The following GRIA4 variants were observed in gnomAD, a reference collection of about 807,000 sequenced individuals.
GRIA4 encodes the protein glutamate receptor 4.
GRIA4 carries 34 observed loss-of-function variants against 104.0 expected under a neutral mutation model. That is an observed-to-expected ratio of 0.33 (90% CI 0.25 to 0.44). The LOEUF (loss-of-function observed/expected upper bound fraction) is 0.44, where lower values mean the gene tolerates loss of function less well. Among genes scored for constraint, GRIA4 ranks in the 20% least tolerant of loss-of-function variants. The pLI is 1.00. For missense variants in GRIA4, 750 were observed against 1,096.5 expected (o/e 0.68, Z 4.46); for synonymous variants, 386 against 381.9 (o/e 1.01, Z -0.13).
At chr11:105,662,530 C>T (rs768255835) in intron 3 of GRIA4, among the ~76,000 whole-genome samples, 21 of 151,440 alleles carry the variant, frequency 1.4e-4, no homozygotes, top group Non-Finnish European at 2.5e-4. Context: ...AAGTTAGAGA[C>T]GAAAAAGGAA....
intron 3 of GRIA4, among the ~76,000 whole-genome samples, chr11:105,687,035 G>A (rs528841254): frequency 6.6e-6 from 1 of 152,122 alleles, no homozygotes; most frequent in Non-Finnish European, 1.5e-5. Flanking sequence ...TCTGTTGATA[G>A]TTTCTTTTGC....
intron 3 of GRIA4, among the ~76,000 whole-genome samples, chr11:105,710,105 T>C (rs759294108): frequency 6.6e-6 from 1 of 152,128 alleles, no homozygotes; most frequent in Non-Finnish European, 1.5e-5. Flanking sequence ...TATTATTTCT[T>C]ATTATATTAT....
At chr11:105,631,577 C>G (rs757467091) in intron 3 of GRIA4, among the ~76,000 whole-genome samples, 1 of 152,030 alleles carries the variant, frequency 6.6e-6, no homozygotes, top group African/African-American at 2.4e-5. Context: ...TGTTTGCTAC[C>G]AAGTTATTTG....
intron 14 of GRIA4, among the ~76,000 whole-genome samples, chr11:105,939,918 T>A (rs1017660029): frequency 1.3e-5 from 2 of 152,236 alleles, no homozygotes; most frequent in East Asian, 3.9e-4. Flanking sequence ...GGAGGAACCA[T>A]TACCTTCTTC....
At chr11:105,931,469 C>T (rs937349471) in intron 13 of GRIA4, among the ~76,000 whole-genome samples, 1 of 151,746 alleles carries the variant, frequency 6.6e-6, no homozygotes, top group Admixed American at 6.6e-5. Flanking sequence ...TTTGGGAGGC[C>T]GAGGCGGTGG....
At chr11:105,913,926 C>A (rs895930930) in intron 10 of GRIA4, among the ~76,000 whole-genome samples, 2 of 151,972 alleles carry the variant, frequency 1.3e-5, no homozygotes, top group Non-Finnish European at 2.9e-5. Context: ...CACACATGAT[C>A]TTTCCAGAGG....
intron 3 of GRIA4, among the ~76,000 whole-genome samples, chr11:105,732,462 C>T (rs928460528): frequency 6.6e-6 from 1 of 152,092 alleles, no homozygotes; most frequent in Non-Finnish European, 1.5e-5. Flanking sequence ...TGCCTACAAG[C>T]CGTCATGGTT....
Position 105,918,763 on chromosome 11 carries a change from G to T in GRIA4, c.1321G>T (p.Asp441Tyr), listed in dbSNP as rs140687547. 6.3e-7 allele frequency: 1 copy of T among 1,597,772 alleles called. No homozygotes were observed. Among genetic ancestry groups the T allele is most frequent in the South Asian group, 1.1e-5 (1 of 90,694 alleles). The change falls in exon 11 of 17, where the codon GAC becomes TAC. Residue 441 changes from aspartate (D) to tyrosine (Y), a missense_variant. This residue lies in a region of GRIA4 where 272 missense variants were observed against 524.5 expected (regional missense o/e 0.52). Coordinates refer to ENST00000282499, the MANE Select transcript of GRIA4 (RefSeq NM_000829.4). Reference sequence around the variant, plus strand: ...AAATCATGAAATGTTTGAAGGAAATGACAAGTATGAAGGATACTGTGTAGA... The same window carrying T: ...AAATCATGAAATGTTTGAAGGAAATTACAAGTATGAAGGATACTGTGTAGA... Reference protein sequence around the residue: ...KKNHEMFEGNDKYEGYCVDLA... With the variant: ...KKNHEMFEGNYKYEGYCVDLA...
chr11:105,621,206 C>T (rs897769588), intron 3 of GRIA4, among the ~76,000 whole-genome samples: 2 of 151,656 alleles, frequency 1.3e-5, no homozygotes, highest in African/African-American at 4.8e-5. Flanking sequence ...CCAAAATGAG[C>T]AGACTTTAAA....
chr11:105,786,184 T>C (rs1021924142), intron 4 of GRIA4, among the ~76,000 whole-genome samples: 2 of 149,156 alleles, frequency 1.3e-5, no homozygotes, highest in Non-Finnish European at 3.0e-5. Flanking sequence ...AAAGGAAGTA[T>C]CTGCTATTGA....
chr11:105,860,945 C>T (rs1457374596), intron 4 of GRIA4, among the ~76,000 whole-genome samples: 2 of 106,468 alleles, frequency 1.9e-5, no homozygotes, highest in African/African-American at 4.0e-5. Context: ...GGCAACAGAG[C>T]AAGACTGTCT....
chr11:105,734,577 G>A (rs1938814331), intron 3 of GRIA4, among the ~76,000 whole-genome samples: 1 of 152,066 alleles, frequency 6.6e-6, no homozygotes, highest in African/African-American at 2.4e-5. Context: ...TTAGGATAAA[G>A]TCCAAAATCC....
Position 105,972,530 on chromosome 11 carries a change from G to C in GRIA4, c.2409+502G>C, listed in dbSNP as rs568825641. Among the ~76,000 whole-genome samples, 13 of 152,202 alleles carry C rather than the reference G, an allele frequency of 8.5e-5. No homozygotes were observed. In the South Asian group the frequency reaches 1.7e-3, roughly 19 times the overall value. ...TTTGAAGAACCTCCATTATATTTCT[G>C]TGCTGATAGAGAAACAGAGTGAACC... is the stretch of plus-strand genomic sequence containing the variant. On this transcript the variant is annotated intron_variant, in intron 15 of 16. Transcript: ENST00000282499.
intron 14 of GRIA4, among the ~76,000 whole-genome samples, chr11:105,936,159 T>G (rs1948029309): frequency 6.6e-6 from 1 of 152,128 alleles, no homozygotes; most frequent in Non-Finnish European, 1.5e-5. Context: ...AGCGGGAGAC[T>G]CATCAGGCTT....
At chr11:105,910,937 T>C (rs1947214379) in intron 10 of GRIA4, among the ~76,000 whole-genome samples, 1 of 152,124 alleles carries the variant, frequency 6.6e-6, no homozygotes, top group Non-Finnish European at 1.5e-5. Context: ...AAAAAGTCAA[T>C]GTAATAATAA....
chr11:105,633,532 G>C (rs1210963710), intron 3 of GRIA4, among the ~76,000 whole-genome samples: 1 of 152,150 alleles, frequency 6.6e-6, no homozygotes, highest in Non-Finnish European at 1.5e-5. Context: ...TATTCAAGCT[G>C]TGAATCTGCA....
At chr11:105,770,102 T>C (rs962636527) in intron 4 of GRIA4, among the ~76,000 whole-genome samples, 2 of 152,086 alleles carry the variant, frequency 1.3e-5, no homozygotes, top group African/African-American at 4.8e-5. Flanking sequence ...GATACATACA[T>C]AGAATATGGA....
chr11:105,936,016 C>A (rs891666910), intron 14 of GRIA4, among the ~76,000 whole-genome samples: 40 of 152,244 alleles, frequency 2.6e-4, no homozygotes, highest in African/African-American at 9.1e-4. Context: ...GCCACAATTT[C>A]CTGAGCAAGC....
At chr11:105,910,672 A>G in intron 10 of GRIA4, 127 bp downstream of exon 10, 1 of 598,774 alleles carries the variant, frequency 1.7e-6, no homozygotes, top group Admixed American at 2.7e-5. Flanking sequence ...CTGATCCACA[A>G]AATCCTATTG....
Sources: allele counts gnomAD v4.1 joint callset (sites outside exome capture counted in the v4.1 genomes callset), GRCh38; gene constraint gnomAD v4.1.1; regional missense constraint gnomAD v4.1.1; transcripts MANE v1.5; gene names NCBI Gene and HGNC (gene_info 2026-07-23, HGNC 2026-07-21).